Variants in STRIP2 observed in about 807,000 individuals in gnomAD.
STRIP2 encodes striatin interacting protein 2.
In STRIP2, 84 loss-of-function variants were observed where a neutral mutation model predicts 107.1. That is an observed-to-expected ratio of 0.78 (90% CI 0.66 to 0.94). The LOEUF (loss-of-function observed/expected upper bound fraction) is 0.94. Ranked by LOEUF, STRIP2 falls within the 40% of genes least tolerant of loss-of-function variation. STRIP2 has a pLI of 0.00. For synonymous variants in STRIP2, 394 were observed against 400.4 expected, an observed-to-expected ratio of 0.98 and a Z score of 0.19; for missense variants, 888 against 1,034.2, an observed-to-expected ratio of 0.86 and a Z score of 1.94.
intron 3 of STRIP2, among the ~76,000 whole-genome samples, chr7:129,444,313 G>A (rs1326611342): frequency 6.6e-6 from 1 of 152,272 alleles, no homozygotes; most frequent in South Asian, 2.1e-4. Context: ...TCCCATAATA[G>A]GCTGTCTGCA....
At chr7:129,480,317 A>T (rs1045600284) in intron 18 of STRIP2, among the ~76,000 whole-genome samples, 1 of 152,200 alleles carries the variant, frequency 6.6e-6, no homozygotes, top group Non-Finnish European at 1.5e-5. Context: ...ATATGGTTTG[A>T]TAAAGGAGGG....
intron 17 of STRIP2, 23 bp downstream of exon 17, chr7:129,467,473 T>C (rs763091066): frequency 6.4e-6 from 10 of 1,567,590 alleles, no homozygotes; most frequent in Non-Finnish European, 7.9e-6. Context: ...GACAGGTTTA[T>C]TTCAAGGGGC....
intron 1 of STRIP2, among the ~76,000 whole-genome samples, chr7:129,437,874 C>T (rs897923003): frequency 9.3e-5 from 14 of 149,810 alleles, no homozygotes; most frequent in African/African-American, 3.2e-4. Context: ...GGCGCAAACT[C>T]GGCTCACTGC....
chr7:129,447,158 C>A (rs1012774413), intron 3 of STRIP2, among the ~76,000 whole-genome samples: 1 of 152,168 alleles, frequency 6.6e-6, no homozygotes, highest in African/African-American at 2.4e-5. Flanking sequence ...GCAGCTTGCA[C>A]AACAGCCTGG....
chr7:129,450,034 T>C (rs577447516), intron 3 of STRIP2, among the ~76,000 whole-genome samples: 1 of 152,344 alleles, frequency 6.6e-6, no homozygotes, highest in Non-Finnish European at 1.5e-5. Flanking sequence ...GAATCAGGAA[T>C]GTCAAATGCA....
At chr7:129,473,779 G>A (rs1042958249) in intron 18 of STRIP2, among the ~76,000 whole-genome samples, 7 of 151,804 alleles carry the variant, frequency 4.6e-5, no homozygotes, top group African/African-American at 9.7e-5. Context: ...GTGCAGTGGC[G>A]CCATCTTGGC....
chr7:129,459,824 TTC>T (rs1342428478), intron 12 of STRIP2, among the ~76,000 whole-genome samples: 1 of 152,284 alleles, frequency 6.6e-6, no homozygotes, highest in African/African-American at 2.4e-5. Context: ...CTTCCCATTC[TTC>T]TCTCTCTCTT....
chr7:129,485,468 A>AG, intron 20 of STRIP2, 111 bp from the exon 21 acceptor site: 2 of 1,269,728 alleles, frequency 1.6e-6, no homozygotes, highest in Non-Finnish European at 2.1e-6. Flanking sequence ...AAAAAAAAAA[A>AG]AAAAGAATTT....
At chr7:129,463,645 G>A (rs1323353157) in intron 14 of STRIP2, among the ~76,000 whole-genome samples, 1 of 152,172 alleles carries the variant, frequency 6.6e-6, no homozygotes, top group East Asian at 1.9e-4. Context: ...ACAGGCACAT[G>A]CCACCACGCC....
chr7:129,457,764 A>G (rs1473550275), intron 9 of STRIP2, among the ~76,000 whole-genome samples: 1 of 152,170 alleles, frequency 6.6e-6, no homozygotes, highest in Non-Finnish European at 1.5e-5. Flanking sequence ...TTTCTGTCCA[A>G]TCTTTTTTTC....
intron 2 of STRIP2, among the ~76,000 whole-genome samples, chr7:129,441,805 A>G (rs1384109144): frequency 6.6e-6 from 1 of 152,088 alleles, no homozygotes; most frequent in African/African-American, 2.4e-5. Context: ...TTGTAGAAAC[A>G]GAGTCTCACC....
chr7:129,453,462 C>T (rs915012061), intron 5 of STRIP2, 115 bp downstream of exon 5: 2 of 1,306,458 alleles, frequency 1.5e-6, no homozygotes, highest in Non-Finnish European at 2.1e-6. Flanking sequence ...TGGGTCTACT[C>T]ACACCTCAGC....
intron 17 of STRIP2, among the ~76,000 whole-genome samples, chr7:129,469,559 G>A (rs1032221839): frequency 1.3e-5 from 2 of 152,172 alleles, no homozygotes; most frequent in South Asian, 4.1e-4. Context: ...TCATCCTAAT[G>A]GAGCAGTACA....
chr7:129,484,051 G>A (rs908441862), intron 20 of STRIP2, among the ~76,000 whole-genome samples: 2 of 152,120 alleles, frequency 1.3e-5, no homozygotes. Context: ...TGGCCTCTAA[G>A]CAGTCTCCCC....
intron 17 of STRIP2, 37 bp from the exon 18 acceptor site, chr7:129,470,612 T>C: frequency 6.4e-7 from 1 of 1,561,940 alleles, no homozygotes; most frequent in Non-Finnish European, 8.8e-7. Flanking sequence ...GCTGTTGCCA[T>C]TTACCTAAAG....
intron 2 of STRIP2, among the ~76,000 whole-genome samples, chr7:129,443,235 A>G (rs926178090): frequency 8.6e-5 from 13 of 152,004 alleles, no homozygotes; most frequent in African/African-American, 3.1e-4. Context: ...AGATAGGGTC[A>G]TGCTATGTTG....
intron 18 of STRIP2, chr7:129,477,909 TTA>T: frequency 1.9e-6 from 1 of 516,518 alleles, no homozygotes; most frequent in South Asian, 1.4e-5. Flanking sequence ...TTGAAAAAAT[TTA>T]TAGACAAGAA....
At chr7:129,477,222 C>A (rs1183179408) in intron 18 of STRIP2, among the ~76,000 whole-genome samples, 1 of 30,256 alleles carries the variant, frequency 3.3e-5, no homozygotes. Flanking sequence ...GGGAGGGAGA[C>A]TGTGGGGAGA....
intron 18 of STRIP2, among the ~76,000 whole-genome samples, chr7:129,476,096 T>TG (rs1265079189): frequency 1.3e-5 from 2 of 150,810 alleles, no homozygotes; most frequent in African/African-American, 4.9e-5. Flanking sequence ...CCAGAGGGGG[T>TG]GGCGGCCGGG....
Sources: allele counts gnomAD v4.1 joint callset (sites outside exome capture counted in the v4.1 genomes callset), GRCh38; gene constraint gnomAD v4.1.1; transcripts MANE v1.5; gene names NCBI Gene and HGNC (gene_info 2026-07-23, HGNC 2026-07-21).